CD274: variants seen among roughly 807,000 people sequenced by gnomAD.
The protein encoded by CD274 is programmed cell death 1 ligand 1.
A neutral mutation model predicts 30.1 loss-of-function variants in CD274; 8 were observed. That is an observed-to-expected ratio of 0.27 (90% confidence interval 0.16 to 0.48). CD274 has a LOEUF of 0.48. Ranked by LOEUF, CD274 falls within the 20% of genes least tolerant of loss-of-function variation. The pLI, the probability that CD274 is intolerant of heterozygous loss-of-function variation, is 0.99. For synonymous variants in CD274, 152 were observed against 124.6 expected, an observed-to-expected ratio of 1.22 and a Z score of -1.46; for missense variants, 353 against 346.6, an observed-to-expected ratio of 1.02 and a Z score of -0.15.
At chr9:5,453,083 G>A (rs1168043731) in intron 1 of CD274, among the ~76,000 whole-genome samples, 2 of 151,992 alleles carry the variant, frequency 1.3e-5, no homozygotes, top group African/African-American at 4.8e-5. Flanking sequence ...AAGATAGTCT[G>A]ATAGATGCTG....
At chr9:5,457,482 A>G in intron 3 of CD274, 62 bp downstream of exon 3, 2 of 1,351,500 alleles carry the variant, frequency 1.5e-6, no homozygotes, top group South Asian at 2.5e-5. Context: ...AGTGTTGAAG[A>G]CTTTTCATTC....
chr9:5,462,082 A>G (rs10975124), intron 3 of CD274, among the ~76,000 whole-genome samples: 12,109 of 152,270 alleles, frequency 0.08, 490 homozygotes, highest in South Asian at 0.11. Context: ...GTAACTCTAT[A>G]CTATCTTTGC....
At chr9:5,465,461 C>G (rs1819481227) in intron 4 of CD274, 38 bp from the exon 5 acceptor site, 1 of 1,224,472 alleles carries the variant, frequency 8.2e-7, no homozygotes, top group Non-Finnish European at 1.2e-6. Context: ...AAAATTTTAT[C>G]TTTAGTCAGT....
intron 4 of CD274, among the ~76,000 whole-genome samples, chr9:5,463,904 T>G (rs1819452103): frequency 6.7e-6 from 1 of 150,084 alleles, no homozygotes; most frequent in African/African-American, 2.4e-5. Context: ...AGACAGAGTC[T>G]GATGAGAGGC....
intron 5 of CD274, 86 bp from the exon 6 acceptor site, chr9:5,466,684 C>T (rs1276536846): frequency 2.0e-6 from 2 of 984,612 alleles, no homozygotes; most frequent in African/African-American, 1.6e-5. Flanking sequence ...ACAAATGTTT[C>T]ACAGAACTTG....
chr9:5,466,468 A>G (rs1485672467), intron 5 of CD274, among the ~76,000 whole-genome samples: 2 of 152,168 alleles, frequency 1.3e-5, no homozygotes, highest in Non-Finnish European at 2.9e-5. Flanking sequence ...GGAAAAAAAG[A>G]TTAGTTGGCA....
At chr9:5,460,273 G>A (rs1819381220) in intron 3 of CD274, among the ~76,000 whole-genome samples, 2 of 152,126 alleles carry the variant, frequency 1.3e-5, no homozygotes, top group Non-Finnish European at 2.9e-5. Flanking sequence ...CACTGGAGCA[G>A]CAGTAGTAAA....
chr9:5,456,510 C>T (rs1819304639), intron 2 of CD274, among the ~76,000 whole-genome samples: 1 of 152,196 alleles, frequency 6.6e-6, no homozygotes, highest in African/African-American at 2.4e-5. Context: ...ATCTTTCAGT[C>T]TTGGTTGCTC....
At chr9:5,467,531 AAT>A (rs1475031626) in intron 6 of CD274, among the ~76,000 whole-genome samples, 2 of 152,226 alleles carry the variant, frequency 1.3e-5, no homozygotes, top group Non-Finnish European at 1.5e-5. Flanking sequence ...AAAGCAGTCT[AAT>A]TAACCTGGAC....
rs994086465 is a variant in CD274, at chr9:5,463,051, T to C, written c.612T>C (p.Asn204=). 5 of 1,605,708 alleles carry C rather than the reference T, an allele frequency of 3.1e-6. No homozygotes were observed. Among genetic ancestry groups the C allele is most frequent in the Admixed American group, 1.7e-5 (1 of 59,956 alleles). The change falls in exon 4 of 7, where the codon AAT becomes AAC. Residue 204 remains asparagine (N), a synonymous_variant. Transcript: ENST00000381577. ...CACTGAGAATCAACACAACAACTAATGAGATTTTCTACTGCACTTTTAGGA... is the reference window on the plus strand; with the variant it reads ...CACTGAGAATCAACACAACAACTAACGAGATTTTCTACTGCACTTTTAGGA... ...TSTLRINTTT[N]EIFYCTFRRL... is the part of the protein sequence containing the mutation.
intron 4 of CD274, among the ~76,000 whole-genome samples, chr9:5,464,552 A>G (rs3780395): frequency 0.69 from 105,178 of 151,940 alleles, 37,520 homozygotes; most frequent in East Asian, 0.89. Flanking sequence ...ACATCTGTGT[A>G]CCATGGGACC....
Position 5,467,905 on chromosome 9 carries a change from C to T in CD274, c.*43C>T, listed in dbSNP as rs1223594510. 1 of 1,578,412 alleles carries T rather than the reference C, an allele frequency of 6.3e-7. No individual in the cohort carries two copies. Among genetic ancestry groups the T allele is most frequent in the Admixed American group, 1.7e-5 (1 of 59,916 alleles). On this transcript the variant is annotated 3_prime_UTR_variant, in exon 7 of 7. Coordinates refer to ENST00000381577, the MANE Select transcript of CD274 (RefSeq NM_014143.4). ...TGATCTTCAAGCAGGGATTCTCAAC[C>T]TGTGGTTTAGGGGTTCATCGGGGCT... is the stretch of plus-strand genomic sequence containing the variant.
Position 5,469,714 on chromosome 9 carries a change from C to A in CD274, c.*1852C>A. ...TGTCCTACATATACATTTAGACAAC[C>A]ACCATTTGTTAAGTATTTGCTCTAG... On this transcript the variant is annotated 3_prime_UTR_variant, in exon 7 of 7. Coordinates refer to ENST00000381577, the MANE Select transcript of CD274 (RefSeq NM_014143.4). 4.3e-6 allele frequency: 1 copy of A among 232,478 alleles called. No homozygotes were observed. Among genetic ancestry groups the A allele is most frequent in the Non-Finnish European group, 8.5e-6 (1 of 117,610 alleles). The allele number at this position is 232,478 out of a possible 1,614,324, so 14.4% of individuals were successfully genotyped here. A position where few individuals can be genotyped will look rare whatever the true frequency, so the allele number is the denominator to read the frequency against.
At chr9:5,459,569 A>G (rs1241054724) in intron 3 of CD274, among the ~76,000 whole-genome samples, 1 of 152,218 alleles carries the variant, frequency 6.6e-6, no homozygotes, top group East Asian at 1.9e-4. Context: ...TTTACTCACC[A>G]TGGTATTTTA....
intron 3 of CD274, among the ~76,000 whole-genome samples, chr9:5,457,842 T>A (rs1433501396): frequency 6.6e-6 from 1 of 152,224 alleles, no homozygotes; most frequent in Non-Finnish European, 1.5e-5. Flanking sequence ...AGAAATTTTT[T>A]TATTCAACTA....
Position 5,469,507 on chromosome 9 carries a change from A to G in CD274, c.*1645A>G, listed in dbSNP as rs899187950. On this transcript the variant is annotated 3_prime_UTR_variant, in exon 7 of 7. Coordinates refer to ENST00000381577, the MANE Select transcript of CD274 (RefSeq NM_014143.4). ...ACGTATTTTTAAAATTTTTTTCCTA[A>G]ATAGTAACACATTGTATGTCTGCTG... 1 of 231,048 alleles carries G rather than the reference A, an allele frequency of 4.3e-6. No homozygotes were observed. Among genetic ancestry groups the G allele is most frequent in the African/African-American group, 2.2e-5 (1 of 45,246 alleles). The allele number at this position is 231,048 out of a possible 1,614,324, so 14.3% of individuals were successfully genotyped here.
At chr9:5,459,963 T>C (rs552728407) in intron 3 of CD274, among the ~76,000 whole-genome samples, 1 of 151,802 alleles carries the variant, frequency 6.6e-6, no homozygotes, top group East Asian at 2.0e-4. Context: ...TCTAGTATAT[T>C]GTGTAGCATA....
At chr9:5,452,015 GT>G (rs1253774272) in intron 1 of CD274, among the ~76,000 whole-genome samples, 12 of 132,170 alleles carry the variant, frequency 9.1e-5, no homozygotes, top group Admixed American at 9.0e-4. Context: ...AGTTTAACCG[GT>G]TTTTTTTGTC....
chr9:5,465,510 G>C lies in CD274; in HGVS notation c.694G>C (p.Ala232Pro), dbSNP rs2131229688. ...GTTTTGTTTTTCAGAACTACCTCTG[G>C]CACATCCTCCAAATGAAAGGACTCA... is the stretch of plus-strand genomic sequence containing the variant. ...AELVIPELPL[A>P]HPPNERTHLV... Residue 232 changes from alanine to proline, a missense_variant, in exon 5 of 7, where the codon GCA (alanine) becomes CCA (proline). Ala to Pro is a conservative substitution (Grantham distance 27). Coordinates refer to ENST00000381577, the MANE Select transcript of CD274 (RefSeq NM_014143.4). The C allele has an allele frequency of 6.2e-7, 1 of 1,605,404 alleles. No homozygotes were observed. Among genetic ancestry groups the C allele is most frequent in the Non-Finnish European group, 8.5e-7 (1 of 1,172,314 alleles).
Sources: allele counts gnomAD v4.1 joint callset (sites outside exome capture counted in the v4.1 genomes callset), GRCh38; gene constraint gnomAD v4.1.1; transcripts MANE v1.5; gene names NCBI Gene and HGNC (gene_info 2026-07-23, HGNC 2026-07-21).